Variants in GRID2 observed in about 807,000 individuals in gnomAD.
GRID2 encodes glutamate ionotropic receptor delta type subunit 2, also known as glutamate receptor ionotropic, delta-2.
Under a neutral mutation model 114.8 loss-of-function variants are expected in GRID2, and 33 were observed. The observed-to-expected ratio is 0.29, with a 90% confidence interval of 0.22 to 0.38. The LOEUF is 0.38. GRID2 is among the 10% of genes least tolerant of loss of function. GRID2 has a pLI of 1.00. For missense variants in GRID2, 1,184 were observed against 1,257.7 expected (o/e 0.94, Z 0.89); for synonymous variants, 505 against 449.9 (o/e 1.12, Z -1.55).
intron 1 of GRID2, among the ~76,000 whole-genome samples, chr4:92,498,942 AAAAC>A (rs1331406621): frequency 3.5e-5 from 5 of 144,660 alleles, no homozygotes; most frequent in African/African-American, 7.6e-5. Context: ...AAAAAAAAAA[AAAAC>A]AAGTTAGAAG....
At chr4:92,520,757 G>GC (rs1724730372) in intron 1 of GRID2, among the ~76,000 whole-genome samples, 1 of 151,950 alleles carries the variant, frequency 6.6e-6, no homozygotes, top group Non-Finnish European at 1.5e-5. Context: ...TGCGTGAGGA[G>GC]CTCAAAGTGG....
At chr4:92,736,293 A>T (rs557365121) in intron 2 of GRID2, among the ~76,000 whole-genome samples, 2 of 152,234 alleles carry the variant, frequency 1.3e-5, no homozygotes, top group Non-Finnish European at 2.9e-5. Context: ...GGAAAAGACA[A>T]GAAACAAATT....
chr4:92,373,465 T>A (rs1729210229), intron 1 of GRID2, among the ~76,000 whole-genome samples: 1 of 152,220 alleles, frequency 6.6e-6, no homozygotes, highest in African/African-American at 2.4e-5. Context: ...GCCTGGCTGA[T>A]AGTGCCAGGC....
At chr4:93,650,247 A>G (rs1393383765) in intron 14 of GRID2, among the ~76,000 whole-genome samples, 4 of 152,206 alleles carry the variant, frequency 2.6e-5, no homozygotes, top group African/African-American at 7.2e-5. Flanking sequence ...GAAAGTGGGG[A>G]AAAAAAATAA....
At chr4:93,628,170 TAATC>T (rs906109941) in intron 14 of GRID2, among the ~76,000 whole-genome samples, 3 of 152,130 alleles carry the variant, frequency 2.0e-5, no homozygotes, top group African/African-American at 7.2e-5. Flanking sequence ...TACTAAATAA[TAATC>T]AATCAAAATA....
At chr4:92,404,638 A>G (rs1730941391) in intron 1 of GRID2, among the ~76,000 whole-genome samples, 1 of 152,208 alleles carries the variant, frequency 6.6e-6, no homozygotes, top group Non-Finnish European at 1.5e-5. Context: ...CCAAATGCCC[A>G]TCAATGATAG....
At chr4:93,176,601 G>A (rs1405447907) in intron 4 of GRID2, among the ~76,000 whole-genome samples, 12 of 152,014 alleles carry the variant, frequency 7.9e-5, no homozygotes, top group Non-Finnish European at 1.2e-4. Context: ...GGATGTAACC[G>A]TAGTGTATCT....
chr4:92,818,939 A>C (rs1475863362), intron 2 of GRID2, among the ~76,000 whole-genome samples: 3 of 152,022 alleles, frequency 2.0e-5, no homozygotes, highest in Admixed American at 6.6e-5. Flanking sequence ...ATAGCATATA[A>C]TTTTTCTCAT....
At chr4:92,339,275 G>A (rs1727349983) in intron 1 of GRID2, among the ~76,000 whole-genome samples, 1 of 151,970 alleles carries the variant, frequency 6.6e-6, no homozygotes, top group Non-Finnish European at 1.5e-5. Flanking sequence ...TATCTATGTT[G>A]CTGCTAGAAT....
rs1736619729 is a variant in GRID2 at position 93,150,293 on chromosome 4, C to T, written c.735+39340C>T. ...AGGAATGTAGTATCAGGCTCTAGTA[C>T]AGAACACCTTTAACCTAACCATTAT... On this transcript the variant is annotated intron_variant, in intron 4 of 15. Transcript: ENST00000282020. 2.6e-5 allele frequency among the ~76,000 whole-genome samples: 4 copies of T among 152,212 alleles called. No individual in the cohort carries two copies. The South Asian group carries it at 8.3e-4, about 32-fold the overall frequency.
At chr4:93,377,712 G>A (rs1763499635) in intron 8 of GRID2, among the ~76,000 whole-genome samples, 1 of 152,068 alleles carries the variant, frequency 6.6e-6, no homozygotes, top group African/African-American at 2.4e-5. Flanking sequence ...ACACTTCTGA[G>A]GATTGAGATG....
intron 2 of GRID2, among the ~76,000 whole-genome samples, chr4:92,921,584 A>T (rs1382448869): frequency 6.6e-6 from 1 of 152,194 alleles, no homozygotes; most frequent in African/African-American, 2.4e-5. Flanking sequence ...CCTCAGCTGC[A>T]GGTCTGTTGG....
chr4:92,454,007 A>C (rs62312224), intron 1 of GRID2, among the ~76,000 whole-genome samples: 21,625 of 152,214 alleles, frequency 0.14, 1,853 homozygotes, highest in South Asian at 0.21. Context: ...CACAGCCAAA[A>C]CATAATTAGA....
chr4:93,611,339 T>C (rs1409326070), intron 13 of GRID2, among the ~76,000 whole-genome samples: 3 of 104,836 alleles, frequency 2.9e-5, no homozygotes, highest in Non-Finnish European at 3.9e-5. Flanking sequence ...ATTTTAGTTA[T>C]TTCTTGCCTT....
intron 1 of GRID2, among the ~76,000 whole-genome samples, chr4:92,324,679 T>G (rs1351632498): frequency 6.6e-6 from 1 of 151,712 alleles, no homozygotes; most frequent in Admixed American, 6.6e-5. Context: ...AATACTAAAT[T>G]AACAAAAAGA....
At chr4:93,248,201 A>G (rs6532388) in intron 8 of GRID2, among the ~76,000 whole-genome samples, 89,764 of 151,738 alleles carry the variant, frequency 0.59, 26,987 homozygotes, top group Middle Eastern at 0.76. Context: ...CACTAGTGGT[A>G]ACTAATGTTC....
chr4:93,279,120 G>A (rs536925585), intron 8 of GRID2, among the ~76,000 whole-genome samples: 1 of 151,622 alleles, frequency 6.6e-6, no homozygotes, highest in African/African-American at 2.4e-5. Context: ...CTGCACTTTA[G>A]TTACATAAAT....
At chr4:93,258,585 G>C (rs1189714237) in intron 8 of GRID2, among the ~76,000 whole-genome samples, 3 of 151,736 alleles carry the variant, frequency 2.0e-5, no homozygotes, top group South Asian at 2.1e-4. Context: ...GACAAATGTG[G>C]CTTTATGCAT....
intron 1 of GRID2, among the ~76,000 whole-genome samples, chr4:92,430,213 T>C (rs968401217): frequency 1.3e-5 from 2 of 152,172 alleles, no homozygotes; most frequent in African/African-American, 4.8e-5. Flanking sequence ...CCCCATGTTT[T>C]CTTGTGGTAA....
Sources: allele counts gnomAD v4.1 joint callset (sites outside exome capture counted in the v4.1 genomes callset), GRCh38; gene constraint gnomAD v4.1.1; transcripts MANE v1.5; gene names NCBI Gene and HGNC (gene_info 2026-07-23, HGNC 2026-07-21).